Variants in WDR33 observed in about 807,000 individuals in gnomAD.
WDR33 encodes WD repeat domain 33, also known as pre-mRNA 3' end processing protein WDR33.
Under a neutral mutation model 164.9 loss-of-function variants are expected in WDR33, and 47 were observed. The observed-to-expected ratio is 0.29, with a 90% CI of 0.23 to 0.36. WDR33 has a LOEUF of 0.36. Among genes scored for constraint, WDR33 ranks in the 10% least tolerant of loss-of-function variants. The pLI is 1.00. For synonymous variants in WDR33, 505 were observed against 589.0 expected (o/e 0.86, Z 2.06); for missense variants, 1,137 against 1,754.1 (o/e 0.65, Z 6.28).
At chr2:127,725,539 G>C (rs941229402) in intron 8 of WDR33, among the ~76,000 whole-genome samples, 37 of 152,136 alleles carry the variant, frequency 2.4e-4, no homozygotes, top group African/African-American at 8.7e-4. Flanking sequence ...TTCAAGACCA[G>C]CCTGGCCAAC....
At chr2:127,734,941 G>A (rs1686802529) in intron 7 of WDR33, among the ~76,000 whole-genome samples, 1 of 152,166 alleles carries the variant, frequency 6.6e-6, no homozygotes, top group Non-Finnish European at 1.5e-5. Context: ...TGAAAAAAAT[G>A]CCTAATGTGT....
At position 127,721,930 on chromosome 2, in the gene WDR33, T is replaced by C; in HGVS notation, c.1577A>G (p.Lys526Arg). ...CTTCTCTTCCAATTTAATGTCTTCT[T>C]TTCTGTCATTCAGCACCTCATTTGG... ...PAPNEVLNDR[K>R]EDIKLEEKKK... The change falls in exon 15 of 22, where the codon AAA becomes AGA. Residue 526 changes from lysine to arginine, a missense_variant. By Grantham distance (26) the Lys-to-Arg change is conservative. Around this residue, in one of 9 missense-constraint regions of WDR33, gnomAD observed 75 missense variants for 124.7 expected, o/e 0.60. Coordinates refer to ENST00000322313, the MANE Select transcript of WDR33 (RefSeq NM_018383.5). The surrounding 1 kb of genome is among the most constrained non-coding windows in gnomAD (Gnocchi z 4.9). 2 of 1,613,978 alleles carry C rather than the reference T, an allele frequency of 1.2e-6. No individual in the cohort carries two copies. Among genetic ancestry groups the C allele is most frequent in the South Asian group, 2.2e-5 (2 of 91,054 alleles).
intron 1 of WDR33, among the ~76,000 whole-genome samples, chr2:127,803,614 T>C (rs1232275149): frequency 1.3e-5 from 2 of 152,036 alleles, no homozygotes; most frequent in Admixed American, 6.6e-5. Context: ...ATTTTTAATA[T>C]CATGTTTTCT....
At chr2:127,768,160 T>C (rs1687879577) in intron 4 of WDR33, 29 bp downstream of exon 4, 1 of 1,394,578 alleles carries the variant, frequency 7.2e-7, no homozygotes, top group Non-Finnish European at 9.7e-7. Flanking sequence ...GGATTAATTT[T>C]CCCCCAAAAT....
At position 127,701,715 on chromosome 2, in the gene WDR33, G is replaced by C; in HGVS notation, c.*4608C>G. 7.4e-7 allele frequency: 1 copy of C among 1,342,544 alleles called. No individual in the cohort carries two copies. The highest frequency in any genetic ancestry group is 3.2e-5 in the East Asian group (1 of 31,022). The allele number at this position is 1,342,544 out of a possible 1,614,324, so 83.2% of individuals were successfully genotyped here. On this transcript the variant is annotated 3_prime_UTR_variant, in exon 22 of 22. Coordinates refer to ENST00000322313, the MANE Select transcript of WDR33 (RefSeq NM_018383.5). The stretch of plus-strand genomic sequence containing the variant: ...GCGGAGCCCTGCGGAGTCGGCAGCG[G>C]CCGGCCTGACGTGCCTCCCGAGCGT...
intron 3 of WDR33, 82 bp from the exon 4 acceptor site, chr2:127,768,375 C>T: frequency 1.3e-6 from 1 of 790,718 alleles, no homozygotes; most frequent in South Asian, 2.9e-5. Context: ...GTAATTATTT[C>T]AACATTTAAA....
chr2:127,756,105 G>T (rs147761570), intron 7 of WDR33, among the ~76,000 whole-genome samples: 1 of 152,006 alleles, frequency 6.6e-6, no homozygotes, highest in African/African-American at 2.4e-5. Flanking sequence ...AGGCTGAGAC[G>T]AGCGGATCAC....
At position 127,724,257 on chromosome 2, in the gene WDR33, C is replaced by G. The variant is rs1686510302; in HGVS notation, c.1196+76G>C. ...AATATAAATTACTATATCAATCAAC[C>G]AATAAAAATAAACACATACAGTATT... On this transcript the variant is annotated intron_variant, in intron 11 of 21. Coordinates refer to ENST00000322313, the MANE Select transcript of WDR33 (RefSeq NM_018383.5). The surrounding 1 kb of genome is among the most constrained non-coding windows in gnomAD (Gnocchi z 4.8). 1 of 1,131,840 alleles carries G rather than the reference C, an allele frequency of 8.8e-7. No individual in the cohort carries two copies. The highest frequency in any genetic ancestry group is 1.3e-6 in the Non-Finnish European group (1 of 778,088). The allele number at this position is 1,131,840 out of a possible 1,614,324, so 70.1% of individuals were successfully genotyped here. A position where few individuals can be genotyped will look rare whatever the true frequency, so the allele number is the denominator to read the frequency against.
chr2:127,769,005 T>TTAAATAAATAAATAAATAAATAAA lies in WDR33; in HGVS notation c.205-28_205-5dup, dbSNP rs143186338. The TTAAATAAATAAATAAATAAATAAA allele has an allele frequency of 1.1e-6, 1 of 896,902 alleles. No homozygotes were observed. The highest frequency in any genetic ancestry group is 1.8e-5 in the African/African-American group (1 of 56,800). 55.6% of individuals were successfully genotyped at this position (896,902 alleles called of 1,614,324 possible). A position where few individuals can be genotyped will look rare whatever the true frequency, so the allele number is the denominator to read the frequency against. Reference sequence around the variant, plus strand: ...GGTCTCTTTGCCATATTCTGTTCTGTTAAATAAATAAATAAATAAATAAAT... The same window carrying TTAAATAAATAAATAAATAAATAAA: ...GGTCTCTTTGCCATATTCTGTTCTGTTAAATAAATAAATAAATAAATAAATAAATAAATAAATAAATAAATAAAT... On this transcript the variant is annotated splice_polypyrimidine_tract_variant and splice_region_variant and intron_variant, in intron 2 of 21. Coordinates refer to ENST00000322313, the MANE Select transcript of WDR33 (RefSeq NM_018383.5).
chr2:127,709,456 C>G lies in WDR33; in HGVS notation c.3565+34G>C, dbSNP rs748342191. 1 of 1,607,300 alleles carries G rather than the reference C, an allele frequency of 6.2e-7. No homozygotes were observed. Among genetic ancestry groups the G allele is most frequent in the Admixed American group, 1.7e-5 (1 of 59,976 alleles). ...CAGAACTCACTTTGTGAACTGCAGTCTAGAGTTACCCAACAAGCGGTTCTT... is the reference window on the plus strand; with the variant it reads ...CAGAACTCACTTTGTGAACTGCAGTGTAGAGTTACCCAACAAGCGGTTCTT... On this transcript the variant is annotated intron_variant, in intron 20 of 21. Transcript: ENST00000322313. The surrounding 1 kb of genome is among the most constrained non-coding windows in gnomAD (Gnocchi z 5.0).
rs1318688854 is a variant in WDR33 at position 127,709,826 on chromosome 2, C to T, written c.3339G>A (p.Glu1113=). Residue 1113 remains glutamate, a synonymous_variant, in exon 19 of 22, where the codon GAG becomes GAA. Transcript: ENST00000322313. This position sits in a 1 kb window ranked among gnomAD's most constrained non-coding sequence, Gnocchi z 5.0. ...CCCTTCCTCTGGGGGGAGCACGGCC[C>T]TCATGCCTCGGCGGGGCTCCTCTTC... ...SFRRGAPPRH[E]GRAPPRGRDG... 1 of 1,614,094 alleles carries T rather than the reference C, an allele frequency of 6.2e-7. No homozygotes were observed. The highest frequency in any genetic ancestry group is 1.3e-5 in the African/African-American group (1 of 74,934).
In WDR33 at chr2:127,738,155, A is replaced by AT. The variant is rs1558930920; in HGVS notation, c.725-11379dup. On this transcript the variant is annotated intron_variant, in intron 7 of 21. Transcript: ENST00000322313. The surrounding 1 kb of genome is among the most constrained non-coding windows in gnomAD (Gnocchi z 4.4). ...TGTGTAATTTCCAGATATGACTGAG[A>AT]TTTTTTTCTATTAATGAGTAATCTG... The AT allele has an allele frequency of 2.9e-6, 3 of 1,030,928 alleles. No homozygotes were observed. Among genetic ancestry groups the AT allele is most frequent in the East Asian group, 3.1e-5 (1 of 32,378 alleles). The allele number at this position is 1,030,928 out of a possible 1,614,324, so 63.9% of individuals were successfully genotyped here. A position where few individuals can be genotyped will look rare whatever the true frequency, so the allele number is the denominator to read the frequency against.
rs775569847 is a variant in WDR33 at position 127,723,396 on chromosome 2, T to C, written c.1197-49A>G. ...AAGAAGCATGGCTTCACTATTTTTT[T>C]GGGCACTAAACAGTACTAGGCAGAC... On this transcript the variant is annotated intron_variant, in intron 11 of 21. Transcript: ENST00000322313. This position sits in a 1 kb window ranked among gnomAD's most constrained non-coding sequence, Gnocchi z 5.9. The C allele has an allele frequency of 1.2e-5, 18 of 1,528,300 alleles. No individual in the cohort carries two copies. The highest frequency in any genetic ancestry group is 1.6e-5 in the Non-Finnish European group (18 of 1,106,100). 94.7% of individuals were successfully genotyped at this position (1,528,300 alleles called of 1,614,324 possible). A position where few individuals can be genotyped will look rare whatever the true frequency, so the allele number is the denominator to read the frequency against.
chr2:127,747,118 T>G (rs1270574212), intron 7 of WDR33, among the ~76,000 whole-genome samples: 1 of 152,182 alleles, frequency 6.6e-6, no homozygotes. Context: ...ACCAAGAGAA[T>G]ACACCACAAA....
chr2:127,721,817 C>G lies in WDR33; in HGVS notation c.1671+19G>C, dbSNP rs114008937. ...CCTCTTAGATCATCTTGAATTCCCC[C>G]CTACAGAGCTTCACACACCTCCAGA... is the stretch of plus-strand genomic sequence containing the variant. On this transcript the variant is annotated intron_variant, in intron 15 of 21. Transcript: ENST00000322313. The surrounding 1 kb of genome is among the most constrained non-coding windows in gnomAD (Gnocchi z 4.9). 1.9e-6 allele frequency: 3 copies of G among 1,596,626 alleles called. No homozygotes were observed. The highest frequency in any genetic ancestry group is 1.8e-5 in the Admixed American group (1 of 54,968).
rs1686489709 is a variant in WDR33 at position 127,723,510 on chromosome 2, C to T, written c.1197-163G>A. Among the ~76,000 whole-genome samples the T allele has an allele frequency of 6.6e-6, 1 of 152,192 alleles. No individual in the cohort carries two copies. The highest frequency in any genetic ancestry group is 6.5e-5 in the Admixed American group (1 of 15,278). On this transcript the variant is annotated intron_variant, in intron 11 of 21. Coordinates refer to ENST00000322313, the MANE Select transcript of WDR33 (RefSeq NM_018383.5). The surrounding 1 kb of genome is among the most constrained non-coding windows in gnomAD (Gnocchi z 5.9). ...ACACTTTGGCTCACATCTGTAATCC[C>T]AGCACTTTGGGAGGCTGTGGCAGGA...
rs891757774 is a variant in WDR33, at chr2:127,735,653, TA to T, written c.725-8877del. On this transcript the variant is annotated intron_variant, in intron 7 of 21. Transcript: ENST00000322313. The surrounding 1 kb of genome is among the most constrained non-coding windows in gnomAD (Gnocchi z 4.3). ...CAGGCTACTTCTAGCCACAAGAACA[TA>T]AAATGTAACAGATCAGTTTAAGACA... 1.0e-6 allele frequency: 1 copy of T among 985,720 alleles called. No individual in the cohort carries two copies. The highest frequency in any genetic ancestry group is 1.2e-6 in the Non-Finnish European group (1 of 829,894). The allele number at this position is 985,720 out of a possible 1,614,324, so 61.1% of individuals were successfully genotyped here.
intron 7 of WDR33, among the ~76,000 whole-genome samples, chr2:127,749,968 T>A (rs1467616776): frequency 1.3e-5 from 2 of 151,594 alleles, no homozygotes; most frequent in Admixed American, 1.3e-4. Context: ...ATTTCTAATA[T>A]CTGCTTCTTC....
rs1687776755 is a variant in WDR33, at chr2:127,764,808, A to G, written c.626+20T>C. On this transcript the variant is annotated intron_variant, in intron 6 of 21. Coordinates refer to ENST00000322313, the MANE Select transcript of WDR33 (RefSeq NM_018383.5). The surrounding 1 kb of genome is among the most constrained non-coding windows in gnomAD (Gnocchi z 6.2). ...ACCATGACAATAGGGACTACAGAAAATGGTATATTGTGTATAAACCTGGCC... is the reference window on the plus strand; with the variant it reads ...ACCATGACAATAGGGACTACAGAAAGTGGTATATTGTGTATAAACCTGGCC... 2 of 1,614,160 alleles carry G rather than the reference A, an allele frequency of 1.2e-6. No individual in the cohort carries two copies. The highest frequency in any genetic ancestry group is 2.2e-5 in the South Asian group (2 of 91,088).
Sources: allele counts gnomAD v4.1 joint callset (sites outside exome capture counted in the v4.1 genomes callset), GRCh38; gene constraint gnomAD v4.1.1; regional missense constraint gnomAD v4.1.1; non-coding constraint Gnocchi (gnomAD v3.1); transcripts MANE v1.5; gene names NCBI Gene and HGNC (gene_info 2026-07-23, HGNC 2026-07-21).